Variants in ZFHX3 observed in about 807,000 individuals in gnomAD.
The protein encoded by ZFHX3 is zinc finger homeobox 3.
Under a neutral mutation model 279.1 loss-of-function variants are expected in ZFHX3, and 42 were observed. That is an observed-to-expected ratio of 0.15 (90% CI 0.12 to 0.19). ZFHX3 has a LOEUF of 0.19. ZFHX3 is among the 10% of genes least tolerant of loss of function. ZFHX3 has a pLI of 1.00. For synonymous variants in ZFHX3, 2,293 were observed against 1,957.8 expected (o/e 1.17, Z -4.52); for missense variants, 4,981 against 4,754.0 (o/e 1.05, Z -1.40).
intron 7 of ZFHX3, among the ~76,000 whole-genome samples, chr16:73,101,550 T>TA (rs1462746749): frequency 1.2e-4 from 18 of 151,926 alleles, no homozygotes; most frequent in Non-Finnish European, 2.5e-4. Context: ...AGCTAATTTT[T>TA]TAAATTTTTT....
intron 1 of ZFHX3, among the ~76,000 whole-genome samples, chr16:73,721,225 G>A (rs1349577294): frequency 2.0e-5 from 3 of 152,132 alleles, no homozygotes; most frequent in African/African-American, 4.8e-5. Context: ...GGGTTCAAGC[G>A]ATTGTCCTGC....
chr16:73,509,869 C>T (rs7194279), intron 2 of ZFHX3, among the ~76,000 whole-genome samples: 24,627 of 151,704 alleles, frequency 0.16, 3,071 homozygotes, highest in African/African-American at 0.36. Flanking sequence ...CTGATTTTTG[C>T]ATTTTTAGTA....
chr16:73,635,817 C>T (rs1198172775), intron 2 of ZFHX3, among the ~76,000 whole-genome samples: 2 of 152,206 alleles, frequency 1.3e-5, no homozygotes, highest in East Asian at 1.9e-4. Flanking sequence ...CCCACTGAAG[C>T]TACTACCTTA....
intron 2 of ZFHX3, among the ~76,000 whole-genome samples, chr16:73,672,715 T>G (rs569033415): frequency 6.9e-4 from 101 of 147,012 alleles, no homozygotes; most frequent in Non-Finnish European, 1.3e-3. Flanking sequence ...TTTGTGGACA[T>G]TAAAAGGATC....
chr16:72,831,962 A>C (rs2037071296), intron 4 of ZFHX3, among the ~76,000 whole-genome samples: 1 of 152,218 alleles, frequency 6.6e-6, no homozygotes, highest in Non-Finnish European at 1.5e-5. Flanking sequence ...TGCAATCTCC[A>C]GCATAAATGG....
chr16:73,093,635 C>T (rs188225860), intron 7 of ZFHX3: 23 of 488,956 alleles, frequency 4.7e-5, no homozygotes, highest in Middle Eastern at 3.2e-4. Context: ...TGAGTGAACT[C>T]GGCCTCTCCC....
chr16:73,302,504 G>T (rs1486990303), intron 4 of ZFHX3, among the ~76,000 whole-genome samples: 1 of 152,190 alleles, frequency 6.6e-6, no homozygotes, highest in Admixed American at 6.5e-5. Flanking sequence ...CACGCTGAGG[G>T]ATTAGTTGTC....
At chr16:73,859,614 A>G (rs1484983770) in intron 1 of ZFHX3, among the ~76,000 whole-genome samples, 2 of 152,204 alleles carry the variant, frequency 1.3e-5, no homozygotes, top group Non-Finnish European at 2.9e-5. Context: ...ACAGCTATTA[A>G]CAAGATAATA....
chr16:73,033,475 A>G (rs368592969), intron 1 of ZFHX3, among the ~76,000 whole-genome samples: 1 of 152,188 alleles, frequency 6.6e-6, no homozygotes, highest in Non-Finnish European at 1.5e-5. Flanking sequence ...GGGCCTGATC[A>G]TATCCTCTAA....
At position 73,494,685 on chromosome 16, in the gene ZFHX3, G is replaced by A. The variant is rs567524697; in HGVS notation, c.-1546-38427C>T. 1.8e-4 allele frequency among the ~76,000 whole-genome samples: 28 copies of A among 151,932 alleles called. No individual in the cohort carries two copies. In the South Asian group the frequency reaches 3.5e-3, roughly 19 times the overall value. ...AGCGATTCTCCTGCCTCAGCCTCCAGAGTAGCTGGGATTATAGGCACGCAC... is the reference window on the plus strand; with the variant it reads ...AGCGATTCTCCTGCCTCAGCCTCCAAAGTAGCTGGGATTATAGGCACGCAC... On this transcript the variant is annotated intron_variant, in intron 2 of 17. Transcript: ENST00000641206.
At chr16:73,184,741 G>T (rs1284166737) in intron 5 of ZFHX3, among the ~76,000 whole-genome samples, 13 of 152,184 alleles carry the variant, frequency 8.5e-5, no homozygotes, top group Admixed American at 8.5e-4. Flanking sequence ...GAGGCCCAAG[G>T]ATTCAATGTC....
chr16:73,782,698 G>A (rs951116507), intron 1 of ZFHX3, among the ~76,000 whole-genome samples: 1 of 152,178 alleles, frequency 6.6e-6, no homozygotes, highest in Non-Finnish European at 1.5e-5. Context: ...AGCATTAAAA[G>A]TTGGCGCATG....
chr16:72,898,038 G>A (rs748324879), intron 3 of ZFHX3, among the ~76,000 whole-genome samples: 1 of 152,176 alleles, frequency 6.6e-6, no homozygotes, highest in Non-Finnish European at 1.5e-5. Flanking sequence ...AACCAGGAGT[G>A]GGGGAGGTTA....
At chr16:72,904,103 C>T (rs1281248436) in intron 3 of ZFHX3, among the ~76,000 whole-genome samples, 8 of 152,174 alleles carry the variant, frequency 5.3e-5, no homozygotes, top group East Asian at 1.9e-4. Flanking sequence ...TAGTGGCTCA[C>T]GCCTATAATC....
At chr16:73,065,108 A>T (rs1373981428) in intron 8 of ZFHX3, among the ~76,000 whole-genome samples, 1 of 152,216 alleles carries the variant, frequency 6.6e-6, no homozygotes, top group Non-Finnish European at 1.5e-5. Context: ...GAGCCAGGAA[A>T]AAAGGAAACC....
At chr16:73,702,631 A>G (rs1487638144) in intron 1 of ZFHX3, among the ~76,000 whole-genome samples, 1 of 152,124 alleles carries the variant, frequency 6.6e-6, no homozygotes, top group Non-Finnish European at 1.5e-5. Flanking sequence ...AGTCTGTGGG[A>G]TTGGTGGAGG....
rs752636329 is a variant in ZFHX3 at position 72,788,324 on chromosome 16, A to G, written c.9952T>C (p.Tyr3318His). 5.6e-6 allele frequency: 9 copies of G among 1,614,102 alleles called. No individual in the cohort carries two copies. The highest frequency in any genetic ancestry group is 7.6e-6 in the Non-Finnish European group (9 of 1,179,974). ...LPYFVPGFSP[Y>H]YAPQIPGALQ... ...GCGCCAGGGATCTGGGGAGCATAAT[A>G]AGGAGAAAAGCCTGGTACAAAGTAA... The change falls in exon 10 of 10, where the codon TAT (tyrosine) becomes CAT (histidine). Residue 3318 changes from tyrosine to histidine, a missense_variant. Physicochemically the swap from Tyr to His is moderately conservative, Grantham distance 83. Coordinates refer to ENST00000268489, the MANE Select transcript of ZFHX3 (RefSeq NM_006885.4).
chr16:73,808,648 G>C (rs1030156511), intron 1 of ZFHX3: 1 of 152,214 alleles, frequency 6.6e-6, no homozygotes, highest in African/African-American at 2.4e-5. Flanking sequence ...GCCTGGGTAA[G>C]AGATTTAAAA....
At chr16:73,243,764 G>C (rs2013197150) in intron 5 of ZFHX3, among the ~76,000 whole-genome samples, 1 of 152,116 alleles carries the variant, frequency 6.6e-6, no homozygotes, top group Non-Finnish European at 1.5e-5. Flanking sequence ...GTGTGTGTGT[G>C]TGTATAGTCT....
Sources: allele counts gnomAD v4.1 joint callset (sites outside exome capture counted in the v4.1 genomes callset), GRCh38; gene constraint gnomAD v4.1.1; transcripts MANE v1.5; gene names NCBI Gene and HGNC (gene_info 2026-07-23, HGNC 2026-07-21).